COG5: variants seen among roughly 807,000 people sequenced by gnomAD.
COG5 encodes conserved oligomeric Golgi complex subunit 5.
In COG5, 86 loss-of-function variants were observed where a neutral mutation model predicts 110.4. The observed-to-expected ratio is 0.78, with a 90% CI of 0.65 to 0.93. COG5 has a LOEUF of 0.93. Among genes scored for constraint, COG5 ranks in the 40% least tolerant of loss-of-function variants. COG5 has a pLI of 0.00. For synonymous variants in COG5, 360 were observed against 334.6 expected (o/e 1.08, Z -0.83); for missense variants, 1,077 against 987.0 (o/e 1.09, Z -1.22).
chr7:107,515,475 C>T (rs757197066), intron 6 of COG5, among the ~76,000 whole-genome samples: 32 of 152,066 alleles, frequency 2.1e-4, no homozygotes, highest in Non-Finnish European at 3.4e-4. Flanking sequence ...TTCTAACATT[C>T]GAGAGACTAA....
intron 1 of COG5, chr7:107,563,549 G>A (rs1165968078): frequency 8.1e-6 from 4 of 492,116 alleles, no homozygotes; most frequent in South Asian, 2.2e-5. Context: ...AGGCATGGGG[G>A]GGGGGGGGGT....
chr7:107,352,307 G>C (rs1009109320), intron 10 of COG5, among the ~76,000 whole-genome samples: 1 of 104,102 alleles, frequency 9.6e-6, no homozygotes, highest in African/African-American at 3.7e-5. Flanking sequence ...TTGTGGGGTG[G>C]GGGGAGGGGG....
At chr7:107,465,415 C>T (rs944310400) in intron 6 of COG5, among the ~76,000 whole-genome samples, 1 of 151,748 alleles carries the variant, frequency 6.6e-6, no homozygotes, top group African/African-American at 2.4e-5. Flanking sequence ...GATCTGTAGG[C>T]CAAGAACTAC....
chr7:107,287,992 C>T (rs552984010), intron 12 of COG5, among the ~76,000 whole-genome samples: 2 of 152,154 alleles, frequency 1.3e-5, no homozygotes, highest in Non-Finnish European at 2.9e-5. Context: ...ATACAAATGT[C>T]TACGTGAACA....
intron 10 of COG5, among the ~76,000 whole-genome samples, chr7:107,337,982 T>TCC (rs1405476491): frequency 6.6e-6 from 1 of 152,108 alleles, no homozygotes; most frequent in Non-Finnish European, 1.5e-5. Context: ...TGAGAGGTAT[T>TCC]CCACTTCAGC....
In COG5 at chr7:107,527,061, ATCAAC is replaced by A. The variant is rs1267957599; in HGVS notation, c.538+171_538+175del. Among the ~76,000 whole-genome samples, 11 of 152,314 alleles carry A rather than the reference ATCAAC, an allele frequency of 7.2e-5. 3 individuals carry two copies. Among genetic ancestry groups the A allele is most frequent in the African/African-American group, 2.6e-4 (11 of 41,582 alleles). On this transcript the variant is annotated intron_variant, in intron 6 of 21. Coordinates refer to ENST00000297135, the MANE Select transcript of COG5 (RefSeq NM_006348.5). ...TTAAAATAAATAGCATTTCAGTGAA[ATCAAC>A]TACTTGTACTTACTCATTCTGAGAA... is the stretch of plus-strand genomic sequence containing the variant.
At chr7:107,428,401 T>C (rs562407182) in intron 6 of COG5, among the ~76,000 whole-genome samples, 66 of 151,974 alleles carry the variant, frequency 4.3e-4, no homozygotes, top group Middle Eastern at 3.4e-3. Flanking sequence ...GAGAATGCCA[T>C]GTAAAGCCAC....
intron 6 of COG5, among the ~76,000 whole-genome samples, chr7:107,438,993 C>A (rs190737688): frequency 1.3e-5 from 2 of 152,232 alleles, no homozygotes; most frequent in Non-Finnish European, 2.9e-5. Context: ...CTTCAAAACT[C>A]CAGCTTTGAA....
At chr7:107,296,563 T>TA (rs1806762498) in intron 12 of COG5, among the ~76,000 whole-genome samples, 17 of 150,632 alleles carry the variant, frequency 1.1e-4, no homozygotes, top group Middle Eastern at 3.4e-3. Context: ...GCCATTTATT[T>TA]TGCCAGTCAA....
At chr7:107,368,318 T>C (rs925081855) in intron 8 of COG5, among the ~76,000 whole-genome samples, 3 of 152,154 alleles carry the variant, frequency 2.0e-5, no homozygotes, top group Non-Finnish European at 1.5e-5. Context: ...TTTTAAAAAG[T>C]ATACTTCTAA....
intron 6 of COG5, among the ~76,000 whole-genome samples, chr7:107,453,215 A>C (rs1795450193): frequency 6.6e-6 from 1 of 152,236 alleles, no homozygotes; most frequent in Non-Finnish European, 1.5e-5. Context: ...AAAGTGAGTA[A>C]GCATTACAAC....
At chr7:107,260,495 T>C (rs897692616) in intron 14 of COG5, among the ~76,000 whole-genome samples, 2 of 152,126 alleles carry the variant, frequency 1.3e-5, no homozygotes, top group African/African-American at 4.8e-5. Flanking sequence ...TGACTGTGAA[T>C]ATACTAAAAA....
intron 5 of COG5, among the ~76,000 whole-genome samples, chr7:107,530,091 T>G (rs1460892200): frequency 6.6e-6 from 1 of 152,218 alleles, no homozygotes; most frequent in African/African-American, 2.4e-5. Flanking sequence ...ATGCAATCTT[T>G]ATTTCTACTG....
chr7:107,527,386 TTG>T, intron 5 of COG5, 29 bp from the exon 6 acceptor site: 2 of 1,611,244 alleles, frequency 1.2e-6, no homozygotes. Context: ...GTTAAGTTAG[TTG>T]ATCCATGAAG....
At chr7:107,231,084 A>T (rs1800745174) in intron 18 of COG5, among the ~76,000 whole-genome samples, 2 of 152,186 alleles carry the variant, frequency 1.3e-5, no homozygotes, top group African/African-American at 2.4e-5. Context: ...GTGTGGCTCA[A>T]GTAATTAAAA....
intron 5 of COG5, among the ~76,000 whole-genome samples, chr7:107,538,729 C>A (rs1255441872): frequency 2.0e-5 from 3 of 150,556 alleles, no homozygotes; most frequent in African/African-American, 7.3e-5. Context: ...GCATAATATG[C>A]TCTCAGGTAT....
At position 107,527,233 on chromosome 7, in the gene COG5, T is replaced by C. The variant is rs781651411; in HGVS notation, c.538+4A>G. ...TTTTTATTTAAAAAAAAAAAAAAAC[T>C]TACCAAGTTCATTGAGACTCTGAGC... On this transcript the variant is annotated splice_donor_region_variant and intron_variant, in intron 6 of 21. Coordinates refer to ENST00000297135, the MANE Select transcript of COG5 (RefSeq NM_006348.5). 8 of 1,514,970 alleles carry C rather than the reference T, an allele frequency of 5.3e-6. No individual in the cohort carries two copies. Among genetic ancestry groups the C allele is most frequent in the Non-Finnish European group, 7.1e-6 (8 of 1,126,042 alleles). 93.8% of individuals were successfully genotyped at this position (1,514,970 alleles called of 1,614,324 possible). A position where few individuals can be genotyped will look rare whatever the true frequency, so the allele number is the denominator to read the frequency against.
intron 6 of COG5, among the ~76,000 whole-genome samples, chr7:107,451,131 C>T (rs1795307248): frequency 6.6e-6 from 1 of 152,146 alleles, no homozygotes; most frequent in African/African-American, 2.4e-5. Context: ...GCCATGAAAA[C>T]CATCAGGCCT....
At chr7:107,514,406 C>A (rs1799774856) in intron 6 of COG5, among the ~76,000 whole-genome samples, 1 of 151,654 alleles carries the variant, frequency 6.6e-6, no homozygotes, top group South Asian at 2.1e-4. Flanking sequence ...GGTTATAGCT[C>A]AATCAGAAGT....
Sources: allele counts gnomAD v4.1 joint callset (sites outside exome capture counted in the v4.1 genomes callset), GRCh38; gene constraint gnomAD v4.1.1; transcripts MANE v1.5; gene names NCBI Gene and HGNC (gene_info 2026-07-23, HGNC 2026-07-21).